FERMT1: variants seen among roughly 807,000 people sequenced by gnomAD.
FERMT1 encodes fermitin family homolog 1.
In FERMT1, 60 loss-of-function variants were observed where a neutral mutation model predicts 85.3. That is an observed-to-expected ratio of 0.70 (90% CI 0.57 to 0.87). FERMT1 has a LOEUF of 0.87. FERMT1 is among the 40% of genes least tolerant of loss of function. The pLI is 0.00. For synonymous variants in FERMT1, 275 were observed against 301.1 expected (o/e 0.91, Z 0.90); for missense variants, 701 against 818.9 (o/e 0.86, Z 1.76).
intron 6 of FERMT1, among the ~76,000 whole-genome samples, chr20:6,099,468 C>A (rs1373810277): frequency 6.6e-6 from 1 of 150,808 alleles, no homozygotes; most frequent in African/African-American, 2.4e-5. Flanking sequence ...CTTGAAGATG[C>A]TATGCTAAGT....
intron 12 of FERMT1, 108 bp from the exon 13 acceptor site, chr20:6,084,272 A>T: frequency 8.4e-7 from 1 of 1,193,248 alleles, no homozygotes; most frequent in Non-Finnish European, 1.2e-6. Flanking sequence ...GTCCGTCTGC[A>T]GCTCTACAAA....
At chr20:6,093,503 G>A (rs1259441970) in intron 9 of FERMT1, among the ~76,000 whole-genome samples, 1 of 152,180 alleles carries the variant, frequency 6.6e-6, no homozygotes, top group Non-Finnish European at 1.5e-5. Context: ...GGCTTGATTT[G>A]CCCTCTACAG....
intron 13 of FERMT1, among the ~76,000 whole-genome samples, chr20:6,083,765 C>T (rs1163504969): frequency 6.7e-6 from 1 of 149,256 alleles, no homozygotes; most frequent in African/African-American, 2.5e-5. Flanking sequence ...GTGATGTTTA[C>T]CCTCTGGTTT....
Position 6,084,694 on chromosome 20 carries a change from CCTT to C in FERMT1, c.1593+369_1593+371del, listed in dbSNP as rs1233555553. ...ATACTCTTAATTAGATGGAATTACT[CCTT>C]TTTTTTTTTTTTCTGAGACACAGTC... On this transcript the variant is annotated intron_variant, in intron 12 of 14. Transcript: ENST00000217289. 3.5e-5 allele frequency among the ~76,000 whole-genome samples: 5 copies of C among 144,634 alleles called. No individual in the cohort carries two copies. The East Asian group carries it at 7.8e-4, about 23-fold the overall frequency. The allele number at this position is 144,634 out of a possible 152,430, so 94.9% of individuals were successfully genotyped here.
Position 6,110,211 on chromosome 20 carries a change from C to A in FERMT1, c.746+87G>T, listed in dbSNP as rs1982905655. 5.1e-6 allele frequency: 6 copies of A among 1,180,966 alleles called. No individual in the cohort carries two copies. In the South Asian group the frequency reaches 7.7e-5, roughly 15 times the overall value. 73.2% of individuals were successfully genotyped at this position (1,180,966 alleles called of 1,614,324 possible). ...TGCAAATAAAGCACAATCCCTAGGC[C>A]TACCAACTTGAAAATGAAACGTGAC... On this transcript the variant is annotated intron_variant, in intron 5 of 14. Coordinates refer to ENST00000217289, the MANE Select transcript of FERMT1 (RefSeq NM_017671.5).
rs1409900214 is a variant in FERMT1 at position 6,076,372 on chromosome 20, A to T, written c.*801T>A. ...CCAACCCAGAGTAGAAGCAGTGGAG[A>T]CATGGATCTGGGTTGAGAAATGGGT... On this transcript the variant is annotated 3_prime_UTR_variant, in exon 15 of 15. Coordinates refer to ENST00000217289, the MANE Select transcript of FERMT1 (RefSeq NM_017671.5). 4.1e-6 allele frequency: 2 copies of T among 490,214 alleles called. No homozygotes were observed. The highest frequency in any genetic ancestry group is 8.1e-6 in the Non-Finnish European group (2 of 245,416). The allele number at this position is 490,214 out of a possible 1,614,324, so 30.4% of individuals were successfully genotyped here.
intron 8 of FERMT1, among the ~76,000 whole-genome samples, chr20:6,096,468 T>A (rs1405168403): frequency 2.6e-5 from 4 of 152,174 alleles, no homozygotes; most frequent in African/African-American, 4.8e-5. Flanking sequence ...GAGGCTGCAG[T>A]GAGCCTTGAT....
rs548019598 is a variant in FERMT1, at chr20:6,108,762, C to T, written c.747-1128G>A. ...CCGGGAGGTGGAGGTTGCAGTGAGC[C>T]GAGATCATGCCATTGCACTCCAGCC... is the stretch of plus-strand genomic sequence containing the variant. On this transcript the variant is annotated intron_variant, in intron 5 of 14. Transcript: ENST00000217289. Among the ~76,000 whole-genome samples the T allele has an allele frequency of 2.7e-5, 4 of 150,298 alleles. No homozygotes were observed. In the East Asian group the frequency reaches 5.8e-4, roughly 22 times the overall value.
intron 6 of FERMT1, among the ~76,000 whole-genome samples, chr20:6,099,661 G>A (rs1470986223): frequency 6.6e-6 from 1 of 151,924 alleles, no homozygotes; most frequent in Non-Finnish European, 1.5e-5. Flanking sequence ...AGAAAGTTTT[G>A]AAAATGGACA....
At chr20:6,085,669 G>T (rs183162576) in intron 11 of FERMT1, among the ~76,000 whole-genome samples, 179 of 152,230 alleles carry the variant, frequency 1.2e-3, no homozygotes, top group Non-Finnish European at 2.1e-3. Context: ...GGCCAACATG[G>T]TGAAACCCTG....
At chr20:6,106,830 T>C (rs539947188) in intron 6 of FERMT1, among the ~76,000 whole-genome samples, 2 of 152,288 alleles carry the variant, frequency 1.3e-5, no homozygotes. Flanking sequence ...CACCATCATG[T>C]GATCCTAGCT....
intron 7 of FERMT1, 24 bp downstream of exon 7, chr20:6,097,500 G>A: frequency 6.5e-7 from 1 of 1,530,566 alleles, no homozygotes; most frequent in Admixed American, 1.7e-5. Flanking sequence ...TCCTTCCAGA[G>A]AAAAGGTACT....
At chr20:6,085,397 A>G in intron 11 of FERMT1, 110 bp from the exon 12 acceptor site, 1 of 923,014 alleles carries the variant, frequency 1.1e-6, no homozygotes, top group East Asian at 2.6e-5. Context: ...ATCACCTTCC[A>G]AGCAAGATGT....
chr20:6,079,735 G>A (rs1036824877), intron 13 of FERMT1, among the ~76,000 whole-genome samples, 158 bp from the exon 14 acceptor site: 1 of 152,258 alleles, frequency 6.6e-6, no homozygotes, highest in Non-Finnish European at 1.5e-5. Context: ...CATTTTTATT[G>A]GGATATAGAC....
Position 6,079,439 on chromosome 20 carries a change from C to A in FERMT1, c.1857G>T (p.Arg619=), listed in dbSNP as rs1230352049. 6.2e-7 allele frequency: 1 copy of A among 1,614,024 alleles called. No individual in the cohort carries two copies. Among genetic ancestry groups the A allele is most frequent in the South Asian group, 1.1e-5 (1 of 91,082 alleles). ...AGAGCAAAAACTTTCACTTTACCTG[C>A]CGGGTTTCCCAGTTTACATTCCACT... ...IKQWNVNWET[R]QVVIEFDQNV... The change falls in exon 14 of 15, where the codon CGG becomes CGT. Residue 619 remains arginine (R), a synonymous_variant. Transcript: ENST00000217289.
chr20:6,116,084 G>T, intron 2 of FERMT1, 40 bp from the exon 3 acceptor site: 3 of 1,316,298 alleles, frequency 2.3e-6, no homozygotes, highest in Non-Finnish European at 3.3e-6. Flanking sequence ...ATGAGAGAGG[G>T]CCCAGCTTGG....
intron 11 of FERMT1, 28 bp from the exon 12 acceptor site, chr20:6,085,315 A>C: frequency 6.2e-7 from 1 of 1,603,152 alleles, no homozygotes; most frequent in Non-Finnish European, 8.5e-7. Flanking sequence ...TTGAGAAGCA[A>C]GCTCAAGTGC....
At chr20:6,105,840 AC>A (rs1215512080) in intron 6 of FERMT1, among the ~76,000 whole-genome samples, 15 of 152,232 alleles carry the variant, frequency 9.9e-5, no homozygotes, top group African/African-American at 3.6e-4. Flanking sequence ...GGACCAAATT[AC>A]TGACTTAGTA....
intron 3 of FERMT1, among the ~76,000 whole-genome samples, chr20:6,114,031 T>C (rs1983032855): frequency 6.6e-6 from 1 of 152,250 alleles, no homozygotes; most frequent in Non-Finnish European, 1.5e-5. Context: ...TTTTAGTTTC[T>C]GAGCAGCTTT....
Sources: allele counts gnomAD v4.1 joint callset (sites outside exome capture counted in the v4.1 genomes callset), GRCh38; gene constraint gnomAD v4.1.1; transcripts MANE v1.5; gene names NCBI Gene and HGNC (gene_info 2026-07-23, HGNC 2026-07-21).